Variants in NRG4 observed in about 807,000 individuals in gnomAD.
NRG4 encodes the protein pro-neuregulin-4, membrane-bound isoform.
In NRG4, 10 loss-of-function variants were observed where a neutral mutation model predicts 15.0. The observed-to-expected ratio is 0.67, with a 90% CI of 0.41 to 1.13. NRG4 has a LOEUF of 1.13. NRG4 is among the 50% of genes most tolerant of loss of function. NRG4 has a pLI of 0.00. For missense variants in NRG4, 139 were observed against 140.2 expected, an observed-to-expected ratio of 0.99 and a Z score of 0.04; for synonymous variants, 41 against 50.1, an observed-to-expected ratio of 0.82 and a Z score of 0.77.
chr15:75,977,644 C>T lies in NRG4; in HGVS notation c.105-15670G>A, dbSNP rs2460805. Among the ~76,000 whole-genome samples, 1,498 of 152,148 alleles carry T rather than the reference C, an allele frequency of 9.8e-3. 28 individuals carry two copies. The highest frequency in any genetic ancestry group is 0.033 in the African/African-American group (1,384 of 41,512). ...TCGGCTCACCCTCTGTGGGCTGCAT[C>T]GACTGTCTAACCAGTCCCAGTGAGA... On this transcript the variant is annotated intron_variant, in intron 3 of 5. Transcript: ENST00000394907. This position sits in a 1 kb window ranked among gnomAD's most constrained non-coding sequence, Gnocchi z 4.9.
At chr15:75,999,991 C>T (rs1189408432) in intron 3 of NRG4, among the ~76,000 whole-genome samples, 1 of 152,164 alleles carries the variant, frequency 6.6e-6, no homozygotes, top group Non-Finnish European at 1.5e-5. Context: ...TCAAGAGATT[C>T]TCCCACCTCA....
At chr15:75,967,122 A>AG (rs1406364875) in intron 3 of NRG4, among the ~76,000 whole-genome samples, 1 of 151,474 alleles carries the variant, frequency 6.6e-6, no homozygotes, top group East Asian at 1.9e-4. Context: ...CAAAAAAAAA[A>AG]AAAAAAAAAA....
rs115034750 is a variant in NRG4 at position 76,026,258 on chromosome 15, C to A, written c.-57+9686G>T. 7.1e-3 allele frequency among the ~76,000 whole-genome samples: 1,086 copies of A among 152,118 alleles called. 19 individuals carry two copies. The highest frequency in any genetic ancestry group is 0.024 in the African/African-American group (995 of 41,492). On this transcript the variant is annotated intron_variant, in intron 5 of 8. Coordinates refer to the NRG4 transcript ENST00000563910. ...TCAATGCACATTACAGTCAAATTAT[C>A]AAAAGTCAAAGACAAAGAATTCTAA...
intron 1 of NRG4, 81 bp from the exon 2 acceptor site, chr15:76,011,367 C>T: frequency 1.5e-6 from 1 of 688,238 alleles, no homozygotes; most frequent in East Asian, 3.3e-5. Flanking sequence ...ATTCTAATAG[C>T]AATATTCTTA....
chr15:75,944,766 TG>T (rs942881394), intron 5 of NRG4, among the ~76,000 whole-genome samples: 1 of 147,776 alleles, frequency 6.8e-6, no homozygotes, highest in Non-Finnish European at 1.5e-5. Flanking sequence ...TGTGTGTGTG[TG>T]TGGGGGGGTG....
chr15:75,976,386 G>A (rs2033367639), intron 3 of NRG4, among the ~76,000 whole-genome samples: 1 of 152,112 alleles, frequency 6.6e-6, no homozygotes, highest in African/African-American at 2.4e-5. Context: ...TTGCTGGCAG[G>A]GAGTTGTGAT....
At chr15:76,057,753 C>T (rs1347839624) in intron 1 of NRG4, among the ~76,000 whole-genome samples, 2 of 151,906 alleles carry the variant, frequency 1.3e-5, no homozygotes, top group Non-Finnish European at 2.9e-5. Context: ...ACCCAGAACA[C>T]TTAAGACACA....
chr15:76,013,972 ATTC>A (rs1359147565), upstream of NRG4, among the ~76,000 whole-genome samples: 1 of 152,128 alleles, frequency 6.6e-6, no homozygotes, highest in Admixed American at 6.6e-5. Context: ...GTGTAAAAGC[ATTC>A]TTATTTCTTC....
intron 3 of NRG4, among the ~76,000 whole-genome samples, chr15:75,994,768 C>T (rs1462851103): frequency 6.6e-6 from 1 of 152,138 alleles, no homozygotes; most frequent in Admixed American, 6.5e-5. Context: ...AAAGTCAGGG[C>T]CTAGTAGAAG....
intron 4 of NRG4, among the ~76,000 whole-genome samples, chr15:76,039,685 T>G (rs1306921496): frequency 1.3e-5 from 2 of 152,172 alleles, no homozygotes; most frequent in African/African-American, 4.8e-5. Context: ...GGGTAGAAAC[T>G]TTATTCAAAG....
chr15:76,055,303 A>G (rs1369829352), intron 2 of NRG4, among the ~76,000 whole-genome samples: 1 of 152,198 alleles, frequency 6.6e-6, no homozygotes, highest in African/African-American at 2.4e-5. Context: ...ATTCAAGAGG[A>G]TAATTCCATG....
At chr15:75,966,048 C>T (rs2032777097) in intron 3 of NRG4, among the ~76,000 whole-genome samples, 1 of 152,188 alleles carries the variant, frequency 6.6e-6, no homozygotes, top group Non-Finnish European at 1.5e-5. Flanking sequence ...ACAAATACTC[C>T]ACTAGGTGAG....
At chr15:75,961,450 A>G (rs2032517625) in intron 4 of NRG4, among the ~76,000 whole-genome samples, 1 of 152,174 alleles carries the variant, frequency 6.6e-6, no homozygotes, top group Admixed American at 6.5e-5. Flanking sequence ...CTGACCCTGC[A>G]TATTAACCAT....
intron 3 of NRG4, among the ~76,000 whole-genome samples, chr15:75,976,183 A>G (rs1327199024): frequency 6.6e-6 from 1 of 152,098 alleles, no homozygotes; most frequent in African/African-American, 2.4e-5. Flanking sequence ...TTTCAGCTCC[A>G]TCAGGTCACT....
At chr15:75,971,141 A>G (rs765123029) in intron 3 of NRG4, 19 of 388,896 alleles carry the variant, frequency 4.9e-5, no homozygotes, top group Non-Finnish European at 8.1e-5. Context: ...CCTATTTGTA[A>G]ATTCATTTCA....
At chr15:76,019,332 G>T (rs1380998989) in intron 5 of NRG4, among the ~76,000 whole-genome samples, 1 of 152,230 alleles carries the variant, frequency 6.6e-6, no homozygotes, top group East Asian at 1.9e-4. Flanking sequence ...CCTTTCCAGG[G>T]GGGTGAACGG....
At chr15:75,999,693 G>C (rs975571000) in intron 3 of NRG4, among the ~76,000 whole-genome samples, 13 of 152,132 alleles carry the variant, frequency 8.5e-5, no homozygotes, top group African/African-American at 2.9e-4. Context: ...TAAGAGAGTA[G>C]CCATATTAAA....
At chr15:76,007,268 G>C (rs1288921724) in intron 3 of NRG4, among the ~76,000 whole-genome samples, 2 of 152,052 alleles carry the variant, frequency 1.3e-5, no homozygotes, top group Non-Finnish European at 2.9e-5. Flanking sequence ...TAGATCAACA[G>C]AAAAGAATAG....
chr15:76,011,323 A>G, intron 1 of NRG4, 37 bp from the exon 2 acceptor site: 1 of 1,081,098 alleles, frequency 9.2e-7, no homozygotes, highest in African/African-American at 1.6e-5. Flanking sequence ...CAGGGAAAAT[A>G]GTCTTCTTTT....
Sources: allele counts gnomAD v4.1 joint callset (sites outside exome capture counted in the v4.1 genomes callset), GRCh38; gene constraint gnomAD v4.1.1; non-coding constraint Gnocchi (gnomAD v3.1); transcripts MANE v1.5; gene names NCBI Gene and HGNC (gene_info 2026-07-23, HGNC 2026-07-21).